The following TCERG1L variants were observed in gnomAD, a reference collection of about 807,000 sequenced individuals.
TCERG1L encodes transcription elongation regulator 1 like.
A neutral mutation model predicts 56.3 loss-of-function variants in TCERG1L; 37 were observed. The ratio of observed to expected loss-of-function variants is 0.66; its 90% CI spans 0.51 to 0.87. The LOEUF is 0.87. Ranked by LOEUF, TCERG1L falls within the 40% of genes least tolerant of loss-of-function variation. The probability of loss-of-function intolerance (pLI) is 0.00; values close to 1 mark genes in which losing one functional copy is unlikely to be tolerated. For missense variants in TCERG1L, 799 were observed against 774.2 expected, an observed-to-expected ratio of 1.03 and a Z score of -0.38; for synonymous variants, 324 against 326.3, an observed-to-expected ratio of 0.99 and a Z score of 0.08.
At chr10:131,245,368 T>C (rs766054490) in intron 4 of TCERG1L, among the ~76,000 whole-genome samples, 2 of 152,152 alleles carry the variant, frequency 1.3e-5, no homozygotes, top group Non-Finnish European at 2.9e-5. Flanking sequence ...TTTCTGGGAA[T>C]AACAGCCAAC....
At chr10:131,180,829 C>T (rs952304484) in intron 4 of TCERG1L, among the ~76,000 whole-genome samples, 1 of 123,392 alleles carries the variant, frequency 8.1e-6, no homozygotes, top group Non-Finnish European at 1.9e-5. Context: ...CAAATAAGAA[C>T]GTTTTTGTAA....
At chr10:131,209,537 C>A (rs1010136208) in intron 4 of TCERG1L, among the ~76,000 whole-genome samples, 2 of 152,172 alleles carry the variant, frequency 1.3e-5, no homozygotes, top group Non-Finnish European at 2.9e-5. Flanking sequence ...TAAAGTAATT[C>A]TTTTGCCACA....
Position 131,103,231 on chromosome 10 carries a change from T to A in TCERG1L, c.1485+1034A>T, listed in dbSNP as rs1845320323. On this transcript the variant is annotated intron_variant, in intron 10 of 11. Coordinates refer to ENST00000368642, the MANE Select transcript of TCERG1L (RefSeq NM_174937.4). This position sits in a 1 kb window ranked among gnomAD's most constrained non-coding sequence, Gnocchi z 4.3. ...TAAATGACAAGAATATTCAGGGAGG[T>A]AAAAAAAAGGCAATAATTTTTAAGG... Among the ~76,000 whole-genome samples, 1 of 151,298 alleles carries A rather than the reference T, an allele frequency of 6.6e-6. No individual in the cohort carries two copies. Among genetic ancestry groups the A allele is most frequent in the African/African-American group, 2.4e-5 (1 of 41,160 alleles).
chr10:131,213,150 G>T (rs566697343), intron 4 of TCERG1L, among the ~76,000 whole-genome samples: 3 of 152,376 alleles, frequency 2.0e-5, no homozygotes, highest in East Asian at 1.9e-4. Context: ...AGCCCCCAGA[G>T]GCTATGTGGG....
At chr10:131,129,709 T>C (rs973349186) in intron 8 of TCERG1L, among the ~76,000 whole-genome samples, 5 of 152,230 alleles carry the variant, frequency 3.3e-5, no homozygotes, top group Non-Finnish European at 7.3e-5. Flanking sequence ...CTGGGACCTT[T>C]TGAACTGACC....
At chr10:131,266,161 A>G (rs1232840182) in intron 3 of TCERG1L, among the ~76,000 whole-genome samples, 1 of 152,236 alleles carries the variant, frequency 6.6e-6, no homozygotes, top group Non-Finnish European at 1.5e-5. Context: ...GTAACTCCTT[A>G]TGCGTTAAAG....
At chr10:131,194,692 C>T (rs902573243) in intron 4 of TCERG1L, among the ~76,000 whole-genome samples, 1 of 152,064 alleles carries the variant, frequency 6.6e-6, no homozygotes, top group Non-Finnish European at 1.5e-5. Context: ...CTTGTTTGCA[C>T]GTGGAATTTA....
intron 4 of TCERG1L, among the ~76,000 whole-genome samples, chr10:131,219,446 T>C (rs1196008163): frequency 6.6e-6 from 1 of 152,214 alleles, no homozygotes; most frequent in African/African-American, 2.4e-5. Context: ...GCTCTGGGGA[T>C]GCCAGGCTGT....
At position 131,260,377 on chromosome 10, in the gene TCERG1L, AGCGGCGGCG is replaced by A; in HGVS notation, c.729_737del (p.Ala245_Ala247del). Reference sequence around the variant, plus strand: ...TCTCAGGGTCCACGGAGACCATGGCAGCGGCGGCGGCGGTGGCGATGGCAATGGCGGGGC... The same window carrying A: ...TCTCAGGGTCCACGGAGACCATGGCAGCGGTGGCGATGGCAATGGCGGGGC... On this transcript the variant is annotated inframe_deletion, in exon 4 of 12. Coordinates refer to ENST00000368642, the MANE Select transcript of TCERG1L (RefSeq NM_174937.4). The surrounding 1 kb of genome is among the most constrained non-coding windows in gnomAD (Gnocchi z 5.8). The A allele has an allele frequency of 6.7e-7, 1 of 1,496,712 alleles. No individual in the cohort carries two copies. The highest frequency in any genetic ancestry group is 8.8e-7 in the Non-Finnish European group (1 of 1,133,836). 92.7% of individuals were successfully genotyped at this position (1,496,712 alleles called of 1,614,324 possible). A position where few individuals can be genotyped will look rare whatever the true frequency, so the allele number is the denominator to read the frequency against.
chr10:131,101,377 A>C (rs896879614), intron 10 of TCERG1L, among the ~76,000 whole-genome samples: 1 of 152,250 alleles, frequency 6.6e-6, no homozygotes, highest in Non-Finnish European at 1.5e-5. Flanking sequence ...GGGCTTGATC[A>C]TAAGTTGGAA....
intron 8 of TCERG1L, among the ~76,000 whole-genome samples, chr10:131,128,351 A>G (rs960737275): frequency 2.1e-4 from 32 of 152,350 alleles, no homozygotes; most frequent in Middle Eastern, 6.8e-3. Flanking sequence ...CCAAGCCACG[A>G]AACAGAACAG....
At chr10:131,126,585 G>A (rs933028909) in intron 8 of TCERG1L, among the ~76,000 whole-genome samples, 6 of 151,948 alleles carry the variant, frequency 3.9e-5, no homozygotes, top group Non-Finnish European at 7.3e-5. Flanking sequence ...CCTGCTTTGC[G>A]ACAGACTCTG....
At chr10:131,300,171 A>G (rs1273060151) in intron 3 of TCERG1L, among the ~76,000 whole-genome samples, 1 of 152,160 alleles carries the variant, frequency 6.6e-6, no homozygotes, top group Non-Finnish European at 1.5e-5. Flanking sequence ...AGTTCTTTGA[A>G]TCAGAAGTTT....
At chr10:131,286,256 G>C (rs922930582) in intron 3 of TCERG1L, among the ~76,000 whole-genome samples, 6 of 152,116 alleles carry the variant, frequency 3.9e-5, no homozygotes, top group Non-Finnish European at 5.9e-5. Context: ...GGAGTACTTA[G>C]GCACTGTGAA....
At chr10:131,290,772 G>A (rs1023128170) in intron 3 of TCERG1L, among the ~76,000 whole-genome samples, 31 of 130,032 alleles carry the variant, frequency 2.4e-4, no homozygotes, top group Non-Finnish European at 3.8e-4. Context: ...CATAATTCAC[G>A]TAAACACTTA....
chr10:131,171,500 T>C (rs1032638047), intron 4 of TCERG1L, among the ~76,000 whole-genome samples: 7 of 152,216 alleles, frequency 4.6e-5, no homozygotes, highest in Admixed American at 4.6e-4. Context: ...GCGGGTCCAG[T>C]TGATGGCATA....
In TCERG1L at chr10:131,174,370, C is replaced by T. The variant is rs113099302; in HGVS notation, c.857-7485G>A. Among the ~76,000 whole-genome samples the T allele has an allele frequency of 4.1e-4, 62 of 152,284 alleles. 1 individual carries two copies. The highest frequency in any genetic ancestry group is 1.4e-3 in the African/African-American group (57 of 41,580). ...TCCCTGGGAGCCTCCTTGAAGCTGGCGCAGGTCTTCCTGGGCCCTGCTCAG... is the reference window on the plus strand; with the variant it reads ...TCCCTGGGAGCCTCCTTGAAGCTGGTGCAGGTCTTCCTGGGCCCTGCTCAG... On this transcript the variant is annotated intron_variant, in intron 4 of 11. Transcript: ENST00000368642.
intron 3 of TCERG1L, among the ~76,000 whole-genome samples, chr10:131,306,330 T>C (rs1158086211): frequency 1.3e-5 from 2 of 152,182 alleles, no homozygotes; most frequent in Non-Finnish European, 2.9e-5. Flanking sequence ...ATACATTTGA[T>C]TATTATTAAA....
intron 11 of TCERG1L, among the ~76,000 whole-genome samples, chr10:131,094,482 C>G (rs546137437): frequency 6.6e-6 from 1 of 152,192 alleles, no homozygotes; most frequent in Non-Finnish European, 1.5e-5. Flanking sequence ...GAAGACAAGA[C>G]AAATAATTAG....
Sources: allele counts gnomAD v4.1 joint callset (sites outside exome capture counted in the v4.1 genomes callset), GRCh38; gene constraint gnomAD v4.1.1; non-coding constraint Gnocchi (gnomAD v3.1); transcripts MANE v1.5; gene names NCBI Gene and HGNC (gene_info 2026-07-23, HGNC 2026-07-21).